ITPR2: variants seen among roughly 807,000 people sequenced by gnomAD.
The protein encoded by ITPR2 is inositol 1,4,5-trisphosphate receptor type 2, also known as inositol 1,4,5-trisphosphate-gated calcium channel ITPR2.
A neutral mutation model predicts 317.1 loss-of-function variants in ITPR2; 207 were observed. The observed-to-expected ratio is 0.65, with a 90% CI of 0.58 to 0.73. The LOEUF is 0.73. Among genes scored for constraint, ITPR2 ranks in the 30% least tolerant of loss-of-function variants. The pLI, the probability that ITPR2 is intolerant of heterozygous loss-of-function variation, is 0.00. For missense variants in ITPR2, 2,613 were observed against 3,284.0 expected (o/e 0.80, Z 4.99); for synonymous variants, 1,156 against 1,149.1 (o/e 1.01, Z -0.12).
intron 21 of ITPR2, among the ~76,000 whole-genome samples, chr12:26,639,983 C>A (rs997728101): frequency 6.6e-6 from 1 of 151,940 alleles, no homozygotes; most frequent in Non-Finnish European, 1.5e-5. Flanking sequence ...TGGGTATATA[C>A]CCAGTAATGG....
intron 48 of ITPR2, among the ~76,000 whole-genome samples, chr12:26,429,858 A>T (rs1345629718): frequency 1.3e-5 from 2 of 152,246 alleles, no homozygotes; most frequent in East Asian, 3.8e-4. Flanking sequence ...TTGACTTTTC[A>T]GCATAATTCA....
chr12:26,663,094 G>A (rs10842769), intron 15 of ITPR2, among the ~76,000 whole-genome samples: 51,188 of 152,034 alleles, frequency 0.34, 9,506 homozygotes, highest in East Asian at 0.64. Context: ...TAGGGGAAAC[G>A]TGTCCTTTCT....
intron 2 of ITPR2, among the ~76,000 whole-genome samples, chr12:26,727,712 A>G (rs984090654): frequency 4.6e-5 from 7 of 152,148 alleles, no homozygotes; most frequent in African/African-American, 1.7e-4. Context: ...TAAGCCTCAG[A>G]CCCTGTCCTC....
chr12:26,539,373 A>G (rs928429558), intron 37 of ITPR2, among the ~76,000 whole-genome samples: 4 of 152,016 alleles, frequency 2.6e-5, no homozygotes, highest in South Asian at 2.1e-4. Flanking sequence ...GCCTCTCCCC[A>G]TAAGTCCCAA....
intron 37 of ITPR2, among the ~76,000 whole-genome samples, chr12:26,532,165 T>C (rs958520116): frequency 1.4e-4 from 22 of 152,224 alleles, no homozygotes; most frequent in Admixed American, 2.0e-4. Flanking sequence ...GAATAAGTCA[T>C]TGAGGCTTGG....
chr12:26,702,408 TG>T (rs1403919585), intron 9 of ITPR2, among the ~76,000 whole-genome samples: 2 of 30,182 alleles, frequency 6.6e-5, no homozygotes, highest in Non-Finnish European at 5.0e-5. Flanking sequence ...GGGGCGGGGG[TG>T]GGGGGTTGGT....
chr12:26,707,318 C>T (rs1374190606), intron 9 of ITPR2, among the ~76,000 whole-genome samples: 2 of 152,048 alleles, frequency 1.3e-5, no homozygotes, highest in Non-Finnish European at 2.9e-5. Flanking sequence ...TCCCCACATC[C>T]CAATATGTGT....
chr12:26,646,141 G>T (rs1947109403), intron 21 of ITPR2, among the ~76,000 whole-genome samples: 1 of 151,888 alleles, frequency 6.6e-6, no homozygotes, highest in Admixed American at 6.6e-5. Context: ...ACACATAAAA[G>T]AAGAACGCCA....
chr12:26,462,047 A>G (rs1425460776), intron 45 of ITPR2, among the ~76,000 whole-genome samples: 2 of 151,718 alleles, frequency 1.3e-5, no homozygotes, highest in African/African-American at 4.8e-5. Flanking sequence ...TAATTCTGAA[A>G]CTCAAAATGC....
intron 26 of ITPR2, among the ~76,000 whole-genome samples, chr12:26,611,577 A>G (rs1462512571): frequency 6.6e-6 from 1 of 152,164 alleles, no homozygotes; most frequent in Admixed American, 6.5e-5. Flanking sequence ...AAAAGTAAAG[A>G]AAAAGAAGCT....
intron 48 of ITPR2, among the ~76,000 whole-genome samples, chr12:26,431,269 G>C (rs1036349492): frequency 1.3e-5 from 2 of 152,130 alleles, no homozygotes; most frequent in Admixed American, 1.3e-4. Flanking sequence ...CTTGGTATAA[G>C]ACATTCTCAT....
chr12:26,726,970 A>C (rs923494676), intron 2 of ITPR2, among the ~76,000 whole-genome samples: 1 of 152,174 alleles, frequency 6.6e-6, no homozygotes, highest in African/African-American at 2.4e-5. Flanking sequence ...ACTAATCTTA[A>C]TTTCTAGTTT....
chr12:26,690,984 G>A (rs945486356), intron 10 of ITPR2, among the ~76,000 whole-genome samples: 1 of 152,194 alleles, frequency 6.6e-6, no homozygotes, highest in African/African-American at 2.4e-5. Flanking sequence ...TATAACAATT[G>A]CTTATGTGTG....
chr12:26,635,627 A>G (rs1946848603), intron 21 of ITPR2, among the ~76,000 whole-genome samples: 1 of 152,248 alleles, frequency 6.6e-6, no homozygotes, highest in African/African-American at 2.4e-5. Flanking sequence ...TATTTTTAAT[A>G]GTTGGATTTG....
rs1255747690 is a variant in ITPR2 at position 26,771,671 on chromosome 12, C to T, written c.163+18486G>A. On this transcript the variant is annotated intron_variant, in intron 2 of 56. Coordinates refer to ENST00000381340, the MANE Select transcript of ITPR2 (RefSeq NM_002223.4). ...CTGGGACTACAGGTGCCCAACACCACGCCTGGCTAATTTTTTGTATTTTTT... is the reference window on the plus strand; with the variant it reads ...CTGGGACTACAGGTGCCCAACACCATGCCTGGCTAATTTTTTGTATTTTTT... Among the ~76,000 whole-genome samples, 9 of 152,190 alleles carry T rather than the reference C, an allele frequency of 5.9e-5. No homozygotes were observed. The South Asian group carries it at 6.2e-4, about 11-fold the overall frequency.
chr12:26,693,444 G>C (rs1948277710), intron 10 of ITPR2, among the ~76,000 whole-genome samples: 1 of 152,140 alleles, frequency 6.6e-6, no homozygotes, highest in African/African-American at 2.4e-5. Context: ...TATCTGCAGA[G>C]GATTGGTTCC....
chr12:26,416,189 G>A (rs1183383026), intron 50 of ITPR2, among the ~76,000 whole-genome samples: 3 of 152,076 alleles, frequency 2.0e-5, no homozygotes, highest in Non-Finnish European at 4.4e-5. Flanking sequence ...TTCTCTAATA[G>A]GTTACTACCT....
chr12:26,828,161 G>A (rs12579861), intron 1 of ITPR2, among the ~76,000 whole-genome samples: 30,260 of 152,058 alleles, frequency 0.2, 3,068 homozygotes, highest in Non-Finnish European at 0.22. Context: ...CAGACCTGGA[G>A]CAACAGACCT....
At position 26,690,322 on chromosome 12, in the gene ITPR2, T is replaced by C. The variant is rs1051728895; in HGVS notation, c.997-3690A>G. On this transcript the variant is annotated intron_variant, in intron 10 of 56. Transcript: ENST00000381340. ...CCAAATAAATGGAGAATAAAACAGT[T>C]TCTCTCACCATTGCCTAGTGTAGAA... Among the ~76,000 whole-genome samples, 4 of 151,472 alleles carry C rather than the reference T, an allele frequency of 2.6e-5. No homozygotes were observed. The Admixed American group carries it at 2.6e-4, about 10-fold the overall frequency.
Sources: gnomAD v4.1 joint callset for allele counts (sites outside exome capture counted in the v4.1 genomes callset) on GRCh38, gnomAD v4.1.1 for gene constraint, MANE v1.5 for transcripts, NCBI Gene and HGNC (gene_info 2026-07-23, HGNC 2026-07-21) for gene names.